Variants in CRYBA4 observed in about 807,000 individuals in gnomAD.
CRYBA4 encodes the protein beta-crystallin A4.
A neutral mutation model predicts 31.7 loss-of-function variants in CRYBA4; 30 were observed. The observed-to-expected ratio is 0.95, with a 90% CI of 0.71 to 1.28. The LOEUF (loss-of-function observed/expected upper bound fraction) is 1.28. Ranked by LOEUF, CRYBA4 falls within the 50% of genes most tolerant of loss-of-function variation. CRYBA4 has a pLI of 0.00. For missense variants in CRYBA4, 225 were observed against 260.7 expected (o/e 0.86, Z 0.94); for synonymous variants, 102 against 102.3 (o/e 1.00, Z 0.02).
chr22:26,628,511 G>A, intron 5 of CRYBA4, 81 bp downstream of exon 5: 2 of 1,544,362 alleles, frequency 1.3e-6, no homozygotes, highest in Non-Finnish European at 1.8e-6. Context: ...ACTGTGTGCT[G>A]GGGACTTTTG....
At chr22:26,590,242 T>A in the CRYBA4 span, 1 of 123,290 alleles carries the variant, frequency 8.1e-6, no homozygotes, top group South Asian at 2.9e-4. Flanking sequence ...GACCGCGAGG[T>A]GAGCAGAGGC....
the CRYBA4 span, among the ~76,000 whole-genome samples, chr22:26,608,494 C>T: frequency 6.6e-6 from 1 of 152,154 alleles, no homozygotes; most frequent in African/African-American, 2.4e-5. Flanking sequence ...AGAGAAAAGA[C>T]CACTAGCCCA....
Position 26,623,293 on chromosome 22 carries a change from C to T in CRYBA4, c.99C>T (p.Cys33=), listed in dbSNP as rs777773397. ...QGRRHEFTAE[C]PSVLELGFET... is the part of the protein sequence containing the mutation. ...GGCGGCACGAGTTCACGGCCGAGTG[C>T]CCCAGCGTGCTGGAGCTTGGCTTCG... Residue 33 remains cysteine, a synonymous_variant, in exon 3 of 6, where the codon TGC becomes TGT. Transcript: ENST00000354760. 6.2e-7 allele frequency: 1 copy of T among 1,614,006 alleles called. No homozygotes were observed. The highest frequency in any genetic ancestry group is 8.5e-7 in the Non-Finnish European group (1 of 1,180,024).
At chr22:26,599,093 C>T in the CRYBA4 span, among the ~76,000 whole-genome samples, 2 of 152,314 alleles carry the variant, frequency 1.3e-5, no homozygotes, top group East Asian at 3.9e-4. Flanking sequence ...AGAAACCAAC[C>T]TGCCTCCTCT....
At chr22:26,620,238 A>G (rs1053518265), upstream of CRYBA4, among the ~76,000 whole-genome samples, 7 of 152,186 alleles carry the variant, frequency 4.6e-5, no homozygotes, top group African/African-American at 1.7e-4. Context: ...AATAATAATC[A>G]TCTTTCTTAT....
intron 4 of CRYBA4, 58 bp from the exon 5 acceptor site, chr22:26,628,230 G>A: frequency 1.2e-6 from 2 of 1,610,882 alleles, no homozygotes; most frequent in Non-Finnish European, 1.7e-6. Flanking sequence ...GGCCAGGAGA[G>A]GCTCCTGGGT....
the CRYBA4 span, chr22:26,602,091 C>T: frequency 6.3e-7 from 1 of 1,590,142 alleles, no homozygotes; most frequent in South Asian, 1.1e-5. Context: ...TTAGCGGGGC[C>T]TTCTGGGTGT....
chr22:26,624,420 A>G (rs1329821978), intron 3 of CRYBA4, among the ~76,000 whole-genome samples: 1 of 150,650 alleles, frequency 6.6e-6, no homozygotes, highest in Non-Finnish European at 1.5e-5. Context: ...TGGAAAGTAG[A>G]TAGACAGGAG....
chr22:26,624,098 G>A (rs1373239023), intron 3 of CRYBA4, among the ~76,000 whole-genome samples: 1 of 152,236 alleles, frequency 6.6e-6, no homozygotes, highest in Non-Finnish European at 1.5e-5. Context: ...TTGGAAAGCA[G>A]GTAGAAAGGA....
upstream of CRYBA4, among the ~76,000 whole-genome samples, chr22:26,618,810 C>T (rs1929446571): frequency 6.6e-6 from 1 of 152,218 alleles, no homozygotes; most frequent in African/African-American, 2.4e-5. Context: ...CTGTGCTCAG[C>T]TGGGTTGGAT....
At chr22:26,619,014 C>A (rs191071842), upstream of CRYBA4, among the ~76,000 whole-genome samples, 1 of 152,286 alleles carries the variant, frequency 6.6e-6, no homozygotes, top group Non-Finnish European at 1.5e-5. Flanking sequence ...CCCCAGATGC[C>A]CACCACATCT....
At chr22:26,594,698 A>C in the CRYBA4 span, among the ~76,000 whole-genome samples, 4 of 152,178 alleles carry the variant, frequency 2.6e-5, no homozygotes, top group African/African-American at 9.7e-5. Context: ...CTAAAACAAA[A>C]AACAAAAAAC....
intron 4 of CRYBA4, among the ~76,000 whole-genome samples, chr22:26,627,802 C>T (rs928241672): frequency 1.3e-5 from 2 of 152,026 alleles, no homozygotes; most frequent in African/African-American, 4.8e-5. Flanking sequence ...GCATGTGCCA[C>T]CACGCTTGGC....
upstream of CRYBA4, among the ~76,000 whole-genome samples, chr22:26,620,223 C>A (rs1336557303): frequency 1.3e-5 from 2 of 152,070 alleles, no homozygotes; most frequent in African/African-American, 4.8e-5. Flanking sequence ...TTTTGATCAA[C>A]AATTAATAAT....
chr22:26,607,101 C>A, the CRYBA4 span, among the ~76,000 whole-genome samples: 2 of 147,370 alleles, frequency 1.4e-5, no homozygotes, highest in Non-Finnish European at 3.0e-5. Context: ...CGGCTCACTG[C>A]AACCTCTGGC....
At chr22:26,605,350 A>C in the CRYBA4 span, among the ~76,000 whole-genome samples, 1 of 152,092 alleles carries the variant, frequency 6.6e-6, no homozygotes, top group Non-Finnish European at 1.5e-5. Flanking sequence ...ACAGTTTTGC[A>C]CTCAGAGCCT....
the CRYBA4 span, among the ~76,000 whole-genome samples, chr22:26,603,647 G>A: frequency 1.3e-5 from 2 of 152,070 alleles, no homozygotes; most frequent in Admixed American, 6.6e-5. Context: ...GCTCACGCCT[G>A]TAATCCCAGC....
chr22:26,612,057 C>A, the CRYBA4 span: 1 of 1,588,916 alleles, frequency 6.3e-7, no homozygotes, highest in African/African-American at 1.3e-5. Context: ...TGCCCCTCCG[C>A]CGCCCAGTAC....
upstream of CRYBA4, chr22:26,621,830 G>A (rs1210654873): frequency 2.2e-5 from 5 of 226,804 alleles, no homozygotes; most frequent in Non-Finnish European, 3.7e-5. Context: ...AGCTGCTGAC[G>A]GCTTGCCATT....
Sources: gnomAD v4.1 joint callset for allele counts (sites outside exome capture counted in the v4.1 genomes callset) on GRCh38, gnomAD v4.1.1 for gene constraint, MANE v1.5 for transcripts, NCBI Gene and HGNC (gene_info 2026-07-23, HGNC 2026-07-21) for gene names.